The following ARHGEF3 variants were observed in gnomAD, a reference collection of about 807,000 sequenced individuals.
ARHGEF3 encodes the protein Rho guanine nucleotide exchange factor 3.
In ARHGEF3, 28 loss-of-function variants were observed where a neutral mutation model predicts 63.2. The ratio of observed to expected loss-of-function variants is 0.44; its 90% CI spans 0.33 to 0.61. The LOEUF (loss-of-function observed/expected upper bound fraction) is 0.61, where lower values mean the gene tolerates loss of function less well. Ranked by LOEUF, ARHGEF3 falls within the 20% of genes least tolerant of loss-of-function variation. The pLI is 0.03. For missense variants in ARHGEF3, 533 were observed against 659.3 expected (o/e 0.81, Z 2.10); for synonymous variants, 266 against 254.2 (o/e 1.05, Z -0.44).
At chr3:56,760,666 A>ACCCGTATTCACACCCTTTG (rs1247663390) in intron 2 of ARHGEF3, among the ~76,000 whole-genome samples, 1 of 152,144 alleles carries the variant, frequency 6.6e-6, no homozygotes. Flanking sequence ...TAAGATTCAA[A>ACCCGTATTCACACCCTTTG]ACCAGATCTG....
upstream of ARHGEF3, among the ~76,000 whole-genome samples, chr3:56,803,627 C>T (rs1331838491): frequency 6.6e-6 from 1 of 151,966 alleles, no homozygotes; most frequent in African/African-American, 2.4e-5. Flanking sequence ...CATAGCAAGA[C>T]CCTGCCTCTA....
At chr3:56,824,062 G>A (rs2038623641) in intron 4 of ARHGEF3, among the ~76,000 whole-genome samples, 1 of 151,554 alleles carries the variant, frequency 6.6e-6, no homozygotes, top group Non-Finnish European at 1.5e-5. Context: ...CAGGGAGTTA[G>A]TGCAAACTTT....
At chr3:56,754,732 T>C (rs889062962) in intron 3 of ARHGEF3, among the ~76,000 whole-genome samples, 1 of 152,230 alleles carries the variant, frequency 6.6e-6, no homozygotes, top group African/African-American at 2.4e-5. Context: ...GAATCCTAAA[T>C]AGACACTTGG....
intron 3 of ARHGEF3, among the ~76,000 whole-genome samples, chr3:56,953,793 A>G (rs1464238698): frequency 6.6e-6 from 1 of 152,158 alleles, no homozygotes; most frequent in Admixed American, 6.5e-5. Context: ...TGTTCCTTCA[A>G]AAACATCCAT....
intron 2 of ARHGEF3, among the ~76,000 whole-genome samples, chr3:56,981,544 A>C (rs1017220824): frequency 3.9e-5 from 6 of 152,320 alleles, no homozygotes; most frequent in Non-Finnish European, 8.8e-5. Context: ...CAAAACAAAA[A>C]AAAACTTCTA....
chr3:56,764,843 G>C (rs1051218136), intron 2 of ARHGEF3, among the ~76,000 whole-genome samples: 5 of 149,414 alleles, frequency 3.3e-5, no homozygotes, highest in African/African-American at 7.4e-5. Flanking sequence ...TGCAGCCTCC[G>C]CCTCCCGGGT....
intron 3 of ARHGEF3, among the ~76,000 whole-genome samples, chr3:56,926,432 G>A (rs2042277095): frequency 6.6e-6 from 1 of 150,578 alleles, no homozygotes; most frequent in South Asian, 2.1e-4. Context: ...CAAGAACAGT[G>A]GCCATGGCCA....
intron 7 of ARHGEF3, among the ~76,000 whole-genome samples, chr3:56,739,901 A>G (rs79527858): frequency 1.4e-5 from 2 of 142,196 alleles, no homozygotes; most frequent in Middle Eastern, 3.3e-3. Flanking sequence ...AGTTTCAAAG[A>G]TTTTTTTTTT....
chr3:56,921,224 A>C (rs1560052097), intron 3 of ARHGEF3, among the ~76,000 whole-genome samples: 1 of 143,764 alleles, frequency 7.0e-6, no homozygotes, highest in Non-Finnish European at 1.5e-5. Flanking sequence ...AAAAAAGACC[A>C]AAAAAAAAAA....
chr3:56,804,289 C>T (rs1179367325), upstream of ARHGEF3, among the ~76,000 whole-genome samples: 1 of 152,212 alleles, frequency 6.6e-6, no homozygotes, highest in Non-Finnish European at 1.5e-5. Context: ...TCTATGGAGA[C>T]ACTATCTTTT....
intron 3 of ARHGEF3, among the ~76,000 whole-genome samples, chr3:56,925,068 C>T (rs1279988180): frequency 6.6e-6 from 1 of 152,266 alleles, no homozygotes; most frequent in African/African-American, 2.4e-5. Flanking sequence ...TCCCTTGCAG[C>T]CACAGCATGA....
chr3:56,812,848 T>G (rs561640656), intron 4 of ARHGEF3, among the ~76,000 whole-genome samples: 12 of 152,342 alleles, frequency 7.9e-5, no homozygotes, highest in African/African-American at 2.9e-4. Context: ...TGTTCTCCCC[T>G]CCTAGAGCCT....
chr3:56,851,490 C>G (rs1243598694), intron 4 of ARHGEF3, among the ~76,000 whole-genome samples: 1 of 152,106 alleles, frequency 6.6e-6, no homozygotes. Context: ...AGAGTTCAAG[C>G]AATTCACCCA....
At chr3:57,038,446 T>C (rs1022053833) in intron 1 of ARHGEF3, among the ~76,000 whole-genome samples, 3 of 151,996 alleles carry the variant, frequency 2.0e-5, no homozygotes, top group East Asian at 1.9e-4. Flanking sequence ...TTTCATACCA[T>C]TGTTTTGTTT....
At chr3:56,986,155 A>G (rs1462864948) in intron 2 of ARHGEF3, among the ~76,000 whole-genome samples, 1 of 152,190 alleles carries the variant, frequency 6.6e-6, no homozygotes, top group African/African-American at 2.4e-5. Flanking sequence ...AAGAAACCAC[A>G]CACCCACAAA....
At chr3:57,035,509 C>T (rs575532063) in intron 1 of ARHGEF3, among the ~76,000 whole-genome samples, 6 of 152,294 alleles carry the variant, frequency 3.9e-5, no homozygotes, top group South Asian at 2.1e-4. Context: ...CCACCACACC[C>T]GGCTAATTTT....
At chr3:56,775,790 A>ACG in intron 1 of ARHGEF3, 2 of 349,904 alleles carry the variant, frequency 5.7e-6, no homozygotes, top group Non-Finnish European at 7.3e-6. Flanking sequence ...ACACACACAC[A>ACG]CACGCGCAAG....
chr3:56,991,941 G>A (rs1400754928), intron 2 of ARHGEF3, among the ~76,000 whole-genome samples: 1 of 151,938 alleles, frequency 6.6e-6, no homozygotes, highest in Non-Finnish European at 1.5e-5. Flanking sequence ...ATCTGAGTTT[G>A]CAATCTTATT....
At chr3:57,014,495 A>G (rs1328706713) in intron 2 of ARHGEF3, among the ~76,000 whole-genome samples, 1 of 152,208 alleles carries the variant, frequency 6.6e-6, no homozygotes, top group Non-Finnish European at 1.5e-5. Flanking sequence ...TTTACTGTGC[A>G]TATGCGTACC....
Sources: gnomAD v4.1 joint callset for allele counts (sites outside exome capture counted in the v4.1 genomes callset) on GRCh38, gnomAD v4.1.1 for gene constraint, MANE v1.5 for transcripts, NCBI Gene and HGNC (gene_info 2026-07-23, HGNC 2026-07-21) for gene names.